Variants in ZNF292 observed in about 807,000 individuals in gnomAD.
ZNF292 encodes 16 zinc-finger domain protein.
Under a neutral mutation model 217.9 loss-of-function variants are expected in ZNF292, and 26 were observed. The ratio of observed to expected loss-of-function variants is 0.12; its 90% CI spans 0.09 to 0.17. The LOEUF is 0.17. ZNF292 is among the 10% of genes least tolerant of loss of function. The probability of loss-of-function intolerance (pLI) is 1.00; values close to 1 mark genes in which losing one functional copy is unlikely to be tolerated. For synonymous variants in ZNF292, 1,257 were observed against 1,124.1 expected (o/e 1.12, Z -2.37); for missense variants, 2,904 against 3,175.2 (o/e 0.91, Z 2.05).
At chr6:87,241,824 T>C (rs1252051919) in intron 5 of ZNF292, among the ~76,000 whole-genome samples, 2 of 152,226 alleles carry the variant, frequency 1.3e-5, no homozygotes, top group African/African-American at 4.8e-5. Context: ...TCGTTCAGCT[T>C]ACTATTTTTC....
At chr6:87,204,122 T>C (rs980015823) in intron 1 of ZNF292, among the ~76,000 whole-genome samples, 3 of 152,154 alleles carry the variant, frequency 2.0e-5, no homozygotes, top group African/African-American at 7.2e-5. Flanking sequence ...TTCTACAAAA[T>C]AGGTGGCCTA....
At chr6:87,161,764 G>A (rs1182537411) in intron 1 of ZNF292, among the ~76,000 whole-genome samples, 1 of 152,172 alleles carries the variant, frequency 6.6e-6, no homozygotes, top group Non-Finnish European at 1.5e-5. Context: ...AATTGAAAAT[G>A]TACTAATTGA....
rs1353197246 is a variant in ZNF292 at position 87,265,521 on chromosome 6, C to T, written c.*3720C>T. Among the ~76,000 whole-genome samples, 2 of 152,030 alleles carry T rather than the reference C, an allele frequency of 1.3e-5. No individual in the cohort carries two copies. The highest frequency in any genetic ancestry group is 2.9e-5 in the Non-Finnish European group (2 of 68,020). ...AAGCATGAGCCACCACACCCAGCCT[C>T]TCTTAAATAATTTAATGCATGTTTG... On this transcript the variant is annotated 3_prime_UTR_variant, in exon 8 of 8. Transcript: ENST00000369577.
chr6:87,207,188 A>G (rs533232729), intron 1 of ZNF292, among the ~76,000 whole-genome samples: 8 of 152,368 alleles, frequency 5.3e-5, no homozygotes, highest in African/African-American at 1.9e-4. Context: ...ACCAAAAAAT[A>G]GTACATAAGC....
Position 87,265,736 on chromosome 6 carries a change from A to G in ZNF292, c.*3935A>G, listed in dbSNP as rs1209552621. ...AATGGCATTTATTCAACCAGGACTG[A>G]TAATCAACGTGTACACCAATTCAAT... On this transcript the variant is annotated 3_prime_UTR_variant, in exon 8 of 8. Transcript: ENST00000369577. Among the ~76,000 whole-genome samples, 2 of 152,218 alleles carry G rather than the reference A, an allele frequency of 1.3e-5. No individual in the cohort carries two copies. The highest frequency in any genetic ancestry group is 2.9e-5 in the Non-Finnish European group (2 of 68,044).
chr6:87,196,043 A>G (rs1224035689), intron 1 of ZNF292, among the ~76,000 whole-genome samples: 7 of 151,908 alleles, frequency 4.6e-5, no homozygotes, highest in Non-Finnish European at 7.4e-5. Flanking sequence ...AAAAAAAACA[A>G]AAAGAAAAAA....
intron 1 of ZNF292, among the ~76,000 whole-genome samples, chr6:87,161,116 A>G (rs1406975928): frequency 6.6e-6 from 1 of 152,188 alleles, no homozygotes; most frequent in Admixed American, 6.5e-5. Context: ...GAAACTTTCT[A>G]CTTTCTTAGC....
intron 1 of ZNF292, among the ~76,000 whole-genome samples, chr6:87,158,812 G>A (rs1770629517): frequency 6.6e-6 from 1 of 152,192 alleles, no homozygotes; most frequent in African/African-American, 2.4e-5. Flanking sequence ...GGGATACTAG[G>A]AGCTAGAAAT....
chr6:87,247,788 G>A (rs974098544), intron 7 of ZNF292, among the ~76,000 whole-genome samples: 4 of 152,114 alleles, frequency 2.6e-5, no homozygotes, highest in African/African-American at 9.7e-5. Context: ...AATCTAGGAA[G>A]TATATGTATT....
At chr6:87,175,688 T>C (rs1310408493) in intron 1 of ZNF292, among the ~76,000 whole-genome samples, 1 of 152,260 alleles carries the variant, frequency 6.6e-6, no homozygotes, top group Non-Finnish European at 1.5e-5. Flanking sequence ...CTGTAGTACT[T>C]GTAGACCTGC....
chr6:87,179,199 G>T (rs1359045039), intron 1 of ZNF292, among the ~76,000 whole-genome samples: 2 of 135,650 alleles, frequency 1.5e-5, no homozygotes, highest in African/African-American at 2.9e-5. Flanking sequence ...TCACTCTGTC[G>T]CCCGGGCTGG....
chr6:87,243,280 G>GTT (rs58565257), intron 5 of ZNF292, among the ~76,000 whole-genome samples, 195 bp from the exon 6 acceptor site: 10,420 of 136,178 alleles, frequency 0.077, 601 homozygotes, highest in African/African-American at 0.16. Flanking sequence ...ATAAAGAAAG[G>GTT]TTTTTTTTTT....
chr6:87,215,681 C>T (rs1030138904), intron 1 of ZNF292, among the ~76,000 whole-genome samples: 8 of 152,098 alleles, frequency 5.3e-5, no homozygotes, highest in African/African-American at 1.4e-4. Context: ...TGAAATTATG[C>T]TGTTGCTGGA....
chr6:87,239,977 G>A (rs1774175298), intron 5 of ZNF292, among the ~76,000 whole-genome samples: 1 of 152,252 alleles, frequency 6.6e-6, no homozygotes, highest in African/African-American at 2.4e-5. Flanking sequence ...TGCAGTCTCA[G>A]CACTTTGGGA....
intron 5 of ZNF292, 73 bp from the exon 6 acceptor site, chr6:87,243,402 A>C: frequency 1.6e-6 from 2 of 1,238,282 alleles, no homozygotes; most frequent in Admixed American, 3.5e-5. Context: ...ATTTAATGAA[A>C]ACTAAAGGTA....
rs1447466591 is a variant in ZNF292, at chr6:87,255,083, A to G, written c.1454A>G (p.Tyr485Cys). The change falls in exon 8 of 8, where the codon TAC becomes TGC. Residue 485 changes from tyrosine (Y) to cysteine (C), a missense_variant. Coordinates refer to ENST00000369577, the MANE Select transcript of ZNF292 (RefSeq NM_015021.3). The part of the protein sequence containing the change: ...DSEVYEKVVD[Y>C]QEESKETSMN... ...GAAGTATATGAAAAAGTGGTAGACT[A>G]CCAAGAAGAGAGTAAAGAAACTTCT... The G allele has an allele frequency of 1.9e-6, 3 of 1,613,570 alleles. No individual in the cohort carries two copies. Among genetic ancestry groups the G allele is most frequent in the Non-Finnish European group, 2.5e-6 (3 of 1,179,860 alleles).
rs1168974002 is a variant in ZNF292, at chr6:87,160,507, G to GTGTGTGTGTGTGTT, written c.168+4755_168+4756insGTGTGTTTGTGTGT. ...TGTATATATATGTGTGTGTGTGTGTGTGTGTGTATATATATGCAAGGACCT... is the reference window on the plus strand; with the variant it reads ...TGTATATATATGTGTGTGTGTGTGTGTGTGTGTGTGTGTTTGTGTGTATATATATGCAAGGACCT... On this transcript the variant is annotated intron_variant, in intron 1 of 7. Transcript: ENST00000369577. Among the ~76,000 whole-genome samples, 275 of 128,086 alleles carry GTGTGTGTGTGTGTT rather than the reference G, an allele frequency of 2.1e-3. 3 individuals are homozygous for GTGTGTGTGTGTGTT. The highest frequency in any genetic ancestry group is 7.5e-3 in the African/African-American group (266 of 35,670). 84.0% of individuals were successfully genotyped at this position (128,086 alleles called of 152,430 possible). A position where few individuals can be genotyped will look rare whatever the true frequency, so the allele number is the denominator to read the frequency against.
Position 87,256,773 on chromosome 6 carries a change from T to C in ZNF292, c.3144T>C (p.Phe1048=), listed in dbSNP as rs1480748156. 18 of 1,612,924 alleles carry C rather than the reference T, an allele frequency of 1.1e-5. No individual in the cohort carries two copies. The highest frequency in any genetic ancestry group is 1.2e-5 in the Non-Finnish European group (14 of 1,179,792). Reference sequence around the variant, plus strand: ...AAAACAATTTACCAACTTCCAAATTTGAATGTGGAGATAATGTTAAAACAT... The same window carrying C: ...AAAACAATTTACCAACTTCCAAATTCGAATGTGGAGATAATGTTAAAACAT... ...AFQNNLPTSK[F]ECGDNVKTSS... The change falls in exon 8 of 8, where the codon TTT becomes TTC. Residue 1048 remains phenylalanine, a synonymous_variant. Coordinates refer to ENST00000369577, the MANE Select transcript of ZNF292 (RefSeq NM_015021.3).
Position 87,255,445 on chromosome 6 carries a change from T to C in ZNF292, c.1816T>C (p.Leu606=). 1.2e-6 allele frequency: 2 copies of C among 1,613,620 alleles called. No homozygotes were observed. Among genetic ancestry groups the C allele is most frequent in the Non-Finnish European group, 1.7e-6 (2 of 1,179,784 alleles). ...AGAGAGACTAGCAGCTATGAAACCA[T>C]TAAGAAGATTGGGAAGGCCTCCAAA... The part of the protein sequence containing the change: ...SKERLAAMKP[L]RRLGRPPKIT... Residue 606 remains leucine (L), a synonymous_variant, in exon 8 of 8, where the codon TTA becomes CTA. Coordinates refer to ENST00000369577, the MANE Select transcript of ZNF292 (RefSeq NM_015021.3).
Sources: allele counts gnomAD v4.1 joint callset (sites outside exome capture counted in the v4.1 genomes callset), GRCh38; gene constraint gnomAD v4.1.1; transcripts MANE v1.5; gene names NCBI Gene and HGNC (gene_info 2026-07-23, HGNC 2026-07-21).